Variants in USP48 observed in about 807,000 individuals in gnomAD.
USP48 encodes ubiquitin specific peptidase 48.
In USP48, 43 loss-of-function variants were observed where a neutral mutation model predicts 150.7. The observed-to-expected ratio is 0.29, with a 90% confidence interval of 0.22 to 0.37. The LOEUF is 0.37. USP48 is among the 10% of genes least tolerant of loss of function. The pLI is 1.00. For missense variants in USP48, 813 were observed against 1,249.6 expected (o/e 0.65, Z 5.27); for synonymous variants, 396 against 425.9 (o/e 0.93, Z 0.86).
At chr1:21,772,751 G>A (rs888886778) in intron 1 of USP48, among the ~76,000 whole-genome samples, 2 of 146,472 alleles carry the variant, frequency 1.4e-5, no homozygotes, top group Non-Finnish European at 3.0e-5. Context: ...GTGAAACCCC[G>A]TCTCTACTGA....
chr1:21,735,726 TA>T, intron 9 of USP48, among the ~76,000 whole-genome samples: 1 of 152,178 alleles, frequency 6.6e-6, no homozygotes, highest in Admixed American at 6.5e-5. Flanking sequence ...TTGTCTCTAC[TA>T]AAAATACAAA....
intron 9 of USP48, among the ~76,000 whole-genome samples, chr1:21,734,879 A>G (rs550670426): frequency 6.6e-6 from 1 of 152,342 alleles, no homozygotes; most frequent in African/African-American, 2.4e-5. Context: ...ATTCCTTTGG[A>G]AAATAAATGG....
intron 8 of USP48, among the ~76,000 whole-genome samples, chr1:21,739,518 C>CAAAAAAAAAAAAAAAAAAAAAAAAAAA: frequency 1.5e-5 from 1 of 66,292 alleles, no homozygotes; most frequent in Non-Finnish European, 2.5e-5. Flanking sequence ...GACTCCGTCT[C>CAAAAAAAAAAAAAAAAAAAAAAAAAAA]AAAAAAAAAA....
At chr1:21,700,388 G>A (rs1001898657) in intron 22 of USP48, among the ~76,000 whole-genome samples, 1 of 152,076 alleles carries the variant, frequency 6.6e-6, no homozygotes, top group Non-Finnish European at 1.5e-5. Flanking sequence ...TACACCGGTT[G>A]GGAAACCACA....
Position 21,721,135 on chromosome 1 carries a change from A to G in USP48, c.1795T>C (p.Leu599=), listed in dbSNP as rs747408981. The part of the protein sequence containing the change: ...SDGFWVGKSS[L]RSWRQLALEQ... ...AGAGCTAGCTGGCGCCAACTCCGCAAGGAGGACTTCCCCACCCAAAATCCA... is the reference window on the plus strand; with the variant it reads ...AGAGCTAGCTGGCGCCAACTCCGCAGGGAGGACTTCCCCACCCAAAATCCA... Residue 599 remains leucine (L), a synonymous_variant, in exon 14 of 27, where the codon TTG becomes CTG. Transcript: ENST00000308271. 2 of 1,614,256 alleles carry G rather than the reference A, an allele frequency of 1.2e-6. No homozygotes were observed. The highest frequency in any genetic ancestry group is 3.3e-5 in the Admixed American group (2 of 60,036).
At position 21,724,201 on chromosome 1, in the gene USP48, C is replaced by T. The variant is rs2097730028; in HGVS notation, c.1451-106G>A. ...CAATGCAAACTCTGTCCAGAGTTAG[C>T]AGAATCAGAAGAATCATTGTCTGGG... On this transcript the variant is annotated intron_variant, in intron 11 of 26. Transcript: ENST00000308271. 4 of 1,123,088 alleles carry T rather than the reference C, an allele frequency of 3.6e-6. No homozygotes were observed. In the South Asian group the frequency reaches 5.3e-5, roughly 15 times the overall value. 69.6% of individuals were successfully genotyped at this position (1,123,088 alleles called of 1,614,324 possible).
At chr1:21,694,986 T>C (rs2097622178) in intron 23 of USP48, 80 bp downstream of exon 23, 11 of 1,427,474 alleles carry the variant, frequency 7.7e-6, no homozygotes, top group East Asian at 4.9e-5. Flanking sequence ...TACATACATA[T>C]ATGTAAATAC....
chr1:21,687,310 A>T, intron 24 of USP48, 71 bp from the exon 25 acceptor site: 1 of 1,373,654 alleles, frequency 7.3e-7, no homozygotes, highest in Non-Finnish European at 1.0e-6. Flanking sequence ...ATGGCCCATG[A>T]TTCAACTACT....
At chr1:21,760,911 T>C (rs1474275597) in intron 1 of USP48, among the ~76,000 whole-genome samples, 2 of 151,846 alleles carry the variant, frequency 1.3e-5, no homozygotes, top group Admixed American at 6.6e-5. Flanking sequence ...CTGACCAACA[T>C]GGAGAAACCC....
chr1:21,740,288 T>C (rs1174227723), intron 8 of USP48, among the ~76,000 whole-genome samples: 2 of 152,248 alleles, frequency 1.3e-5, no homozygotes, highest in Admixed American at 6.5e-5. Context: ...TCACACATGA[T>C]AGAGTATCCT....
chr1:21,733,218 C>T (rs918389378), intron 9 of USP48, among the ~76,000 whole-genome samples: 2 of 152,080 alleles, frequency 1.3e-5, no homozygotes, highest in Non-Finnish European at 2.9e-5. Flanking sequence ...GAGTTTGAAA[C>T]CAGCCTGGCC....
Position 21,728,616 on chromosome 1 carries a change from T to A in USP48, c.1404A>T (p.Lys468Asn). The A allele has an allele frequency of 6.2e-7, 1 of 1,614,200 alleles. No homozygotes were observed. The change falls in exon 11 of 27, where the codon AAA becomes AAT. Residue 468 changes from lysine to asparagine, a missense_variant. Lys to Asn is a moderately conservative substitution (Grantham distance 94). Transcript: ENST00000308271. ...GGTACAGCTCCTTAACCTCTTCGTG[T>A]TTTGCTTTTCCTTTATCCACACTTT... ...RKQSVDKGKA[K>N]HEEVKELYQR...
chr1:21,761,474 GC>G (rs149728009), intron 1 of USP48, among the ~76,000 whole-genome samples: 11,609 of 152,066 alleles, frequency 0.076, 501 homozygotes, highest in Middle Eastern at 0.11. Flanking sequence ...TTGCCATGTT[GC>G]CCCAGGCTGA....
intron 15 of USP48, among the ~76,000 whole-genome samples, chr1:21,711,384 A>AG (rs1262959888): frequency 6.6e-6 from 1 of 152,136 alleles, no homozygotes; most frequent in African/African-American, 2.4e-5. Flanking sequence ...TCTGCCCTTG[A>AG]GATCACTGCC....
chr1:21,775,932 T>TTC (rs2097897168), intron 1 of USP48, among the ~76,000 whole-genome samples: 1 of 152,156 alleles, frequency 6.6e-6, no homozygotes, highest in African/African-American at 2.4e-5. Context: ...AAAAAGAAAT[T>TTC]GTAACAAAAT....
At chr1:21,753,473 T>C (rs1557573809) in intron 3 of USP48, among the ~76,000 whole-genome samples, 1 of 151,482 alleles carries the variant, frequency 6.6e-6, no homozygotes, top group Non-Finnish European at 1.5e-5. Flanking sequence ...GAGCATCTAT[T>C]GAGCGCGGGA....
intron 9 of USP48, among the ~76,000 whole-genome samples, chr1:21,734,055 A>G (rs1213178210): frequency 6.6e-6 from 1 of 152,266 alleles, no homozygotes; most frequent in Admixed American, 6.5e-5. Flanking sequence ...TACTTAGGTA[A>G]AATGGGAGCG....
At chr1:21,707,222 G>A (rs1204848882) in intron 15 of USP48, among the ~76,000 whole-genome samples, 16 of 152,148 alleles carry the variant, frequency 1.1e-4, no homozygotes, top group Admixed American at 1.0e-3. Flanking sequence ...TGGGACCTCT[G>A]TGCCATGGCA....
Position 21,690,114 on chromosome 1 carries a change from A to G in USP48, c.2884-15T>C. On this transcript the variant is annotated splice_polypyrimidine_tract_variant and intron_variant, in intron 23 of 26. Coordinates refer to ENST00000308271, the MANE Select transcript of USP48 (RefSeq NM_032236.8). ...GCATGCATGATCTGTGCCAATATAA[A>G]AGAGAGAAAGTCCGTATAATGCAAA... 6.2e-7 allele frequency: 1 copy of G among 1,608,710 alleles called. No homozygotes were observed. The highest frequency in any genetic ancestry group is 8.5e-7 in the Non-Finnish European group (1 of 1,176,968).
Sources: gnomAD v4.1 joint callset for allele counts (sites outside exome capture counted in the v4.1 genomes callset) on GRCh38, gnomAD v4.1.1 for gene constraint, MANE v1.5 for transcripts, NCBI Gene and HGNC (gene_info 2026-07-23, HGNC 2026-07-21) for gene names.